Variants in SLAIN1 observed in about 807,000 individuals in gnomAD.
SLAIN1 encodes SLAIN family member 1.
In SLAIN1, 17 loss-of-function variants were observed where a neutral mutation model predicts 55.4. The observed-to-expected ratio is 0.31, with a 90% CI of 0.21 to 0.46. SLAIN1 has a LOEUF of 0.46. Ranked by LOEUF, SLAIN1 falls within the 20% of genes least tolerant of loss-of-function variation. The pLI is 1.00. For synonymous variants in SLAIN1, 348 were observed against 337.4 expected (o/e 1.03, Z -0.35); for missense variants, 682 against 785.1 (o/e 0.87, Z 1.57).
intron 2 of SLAIN1, among the ~76,000 whole-genome samples, chr13:77,727,448 A>C (rs1393879608): frequency 1.3e-5 from 2 of 149,924 alleles, no homozygotes; most frequent in African/African-American, 2.5e-5. Flanking sequence ...AAAAAAAAAA[A>C]CAAAACAATT....
chr13:77,736,708 T>C (rs1873137770), intron 2 of SLAIN1, among the ~76,000 whole-genome samples: 2 of 152,118 alleles, frequency 1.3e-5, no homozygotes, highest in African/African-American at 4.8e-5. Flanking sequence ...AGTAGCCTCT[T>C]TTTAGTCCTT....
intron 1 of SLAIN1, among the ~76,000 whole-genome samples, chr13:77,705,090 G>A (rs1410241094): frequency 2.0e-5 from 3 of 151,516 alleles, no homozygotes; most frequent in Admixed American, 1.3e-4. Context: ...ATATACTTGT[G>A]TGTATACATA....
intron 4 of SLAIN1, among the ~76,000 whole-genome samples, chr13:77,749,299 T>C (rs955493589): frequency 7.2e-5 from 11 of 152,192 alleles, no homozygotes; most frequent in African/African-American, 2.7e-4. Flanking sequence ...TTTCTGAGAT[T>C]CATAGAATTA....
intron 5 of SLAIN1, among the ~76,000 whole-genome samples, chr13:77,759,731 A>T (rs981338596): frequency 2.0e-5 from 3 of 152,046 alleles, no homozygotes; most frequent in African/African-American, 7.2e-5. Context: ...TGTTTATGTG[A>T]TGTACCACAT....
At chr13:77,717,556 A>G (rs1330893897) in intron 1 of SLAIN1, among the ~76,000 whole-genome samples, 1 of 152,130 alleles carries the variant, frequency 6.6e-6, no homozygotes, top group African/African-American at 2.4e-5. Flanking sequence ...TAGGAAGCAT[A>G]TAATTGAGTC....
intron 2 of SLAIN1, among the ~76,000 whole-genome samples, chr13:77,735,761 C>A (rs185250889): frequency 1.3e-5 from 2 of 152,190 alleles, no homozygotes; most frequent in Admixed American, 6.5e-5. Context: ...TATCAGCTGG[C>A]CCTTTACAGA....
chr13:77,707,360 T>TTGTGTG (rs147518957), intron 1 of SLAIN1, among the ~76,000 whole-genome samples: 1 of 151,560 alleles, frequency 6.6e-6, no homozygotes, highest in Non-Finnish European at 1.5e-5. Context: ...ATGTGTGTGC[T>TTGTGTG]TGTGTGTGTG....
chr13:77,699,901 C>T (rs2091014016), intron 1 of SLAIN1, among the ~76,000 whole-genome samples: 1 of 152,062 alleles, frequency 6.6e-6, no homozygotes, highest in Non-Finnish European at 1.5e-5. Flanking sequence ...AGAAAATGCT[C>T]TCATGATGGT....
intron 2 of SLAIN1, among the ~76,000 whole-genome samples, chr13:77,732,457 A>G (rs957488799): frequency 1.3e-5 from 2 of 152,128 alleles, no homozygotes; most frequent in African/African-American, 4.8e-5. Flanking sequence ...GTCAGCTTGC[A>G]TTGTGGCTGT....
chr13:77,702,816 T>C (rs1023162203), intron 1 of SLAIN1, among the ~76,000 whole-genome samples: 2 of 152,156 alleles, frequency 1.3e-5, no homozygotes, highest in African/African-American at 4.8e-5. Flanking sequence ...TGCAGTAGAA[T>C]AGAAAATCAG....
intron 2 of SLAIN1, 25 bp downstream of exon 2, chr13:77,719,696 A>G (rs779710151): frequency 1.9e-6 from 3 of 1,609,364 alleles, no homozygotes; most frequent in Admixed American, 3.4e-5. Flanking sequence ...GTGCATTTAC[A>G]TTCTCCAACT....
chr13:77,702,879 T>A (rs970686779), intron 1 of SLAIN1, among the ~76,000 whole-genome samples: 1 of 152,214 alleles, frequency 6.6e-6, no homozygotes, highest in African/African-American at 2.4e-5. Context: ...ATGTTTTAGT[T>A]TTATAGATGT....
intron 3 of SLAIN1, among the ~76,000 whole-genome samples, chr13:77,744,704 A>G (rs1873698726): frequency 6.6e-6 from 1 of 152,078 alleles, no homozygotes; most frequent in African/African-American, 2.4e-5. Context: ...TAAAGGTGCA[A>G]CTTCCATGTG....
chr13:77,749,524 T>G (rs532533339), intron 4 of SLAIN1, among the ~76,000 whole-genome samples: 2 of 152,248 alleles, frequency 1.3e-5, no homozygotes, highest in Admixed American at 1.3e-4. Flanking sequence ...TCCTAAAGAT[T>G]CCTGAGTCTT....
Position 77,698,550 on chromosome 13 carries a change from G to C in SLAIN1, c.626+11G>C, listed in dbSNP as rs935773. 7.1e-7 allele frequency: 1 copy of C among 1,415,822 alleles called. No individual in the cohort carries two copies. The highest frequency in any genetic ancestry group is 9.1e-7 in the Non-Finnish European group (1 of 1,095,078). 87.7% of individuals were successfully genotyped at this position (1,415,822 alleles called of 1,614,324 possible). A position where few individuals can be genotyped will look rare whatever the true frequency, so the allele number is the denominator to read the frequency against. ...GGACGACTACACCTGGTACTGCCTG[G>C]CTCCGCTCCTTCCCCGAGACCCTGG... On this transcript the variant is annotated intron_variant, in intron 1 of 6. Coordinates refer to ENST00000418532, the MANE Select transcript of SLAIN1 (RefSeq NM_001242868.2). The surrounding 1 kb of genome is among the most constrained non-coding windows in gnomAD (Gnocchi z 4.1).
chr13:77,732,929 C>T (rs1872947603), intron 2 of SLAIN1, among the ~76,000 whole-genome samples: 1 of 151,934 alleles, frequency 6.6e-6, no homozygotes, highest in Admixed American at 6.6e-5. Flanking sequence ...CAGAAGGATC[C>T]GATAATAGTC....
At chr13:77,701,731 ATTCTTTCTTTCT>A (rs146961423) in intron 1 of SLAIN1, among the ~76,000 whole-genome samples, 4 of 150,208 alleles carry the variant, frequency 2.7e-5, no homozygotes, top group Admixed American at 1.3e-4. Flanking sequence ...CAGAACCTGA[ATTCTTTCTTTCT>A]TTCTTTCTTT....
chr13:77,703,451 G>A (rs1331194126), intron 1 of SLAIN1, among the ~76,000 whole-genome samples: 1 of 152,028 alleles, frequency 6.6e-6, no homozygotes, highest in Non-Finnish European at 1.5e-5. Context: ...TTCCCTTTTT[G>A]ACAGTGCTAA....
At chr13:77,729,320 CGA>C (rs1386802563) in intron 2 of SLAIN1, among the ~76,000 whole-genome samples, 1 of 151,168 alleles carries the variant, frequency 6.6e-6, no homozygotes, top group African/African-American at 2.4e-5. Flanking sequence ...TACCATGATT[CGA>C]AAAGTGTTTT....
Sources: gnomAD v4.1 joint callset for allele counts (sites outside exome capture counted in the v4.1 genomes callset) on GRCh38, gnomAD v4.1.1 for gene constraint, Gnocchi (gnomAD v3.1) non-coding constraint, MANE v1.5 for transcripts, NCBI Gene and HGNC (gene_info 2026-07-23, HGNC 2026-07-21) for gene names.